The following LTK variants were observed in gnomAD, a reference collection of about 807,000 sequenced individuals.
LTK encodes the protein leukocyte tyrosine kinase receptor.
In LTK, 117 loss-of-function variants were observed where a neutral mutation model predicts 101.5. That is an observed-to-expected ratio of 1.15 (90% CI 0.99 to 1.34). The LOEUF (loss-of-function observed/expected upper bound fraction) is 1.34. Ranked by LOEUF, LTK falls within the 40% of genes most tolerant of loss-of-function variation. LTK has a pLI of 0.00. For missense variants in LTK, 1,252 were observed against 1,164.7 expected (o/e 1.07, Z -1.09); for synonymous variants, 563 against 494.2 (o/e 1.14, Z -1.85).
intron 9 of LTK, 74 bp from the exon 10 acceptor site, chr15:41,507,731 C>CA: frequency 6.9e-7 from 1 of 1,448,360 alleles, no homozygotes; most frequent in Non-Finnish European, 9.3e-7. Flanking sequence ...ACCCACGCTT[C>CA]AAGACTCAGC....
chr15:41,511,194 T>A lies in LTK; in HGVS notation c.967A>T (p.Thr323Ser). The A allele has an allele frequency of 7.1e-7, 1 of 1,406,258 alleles. No homozygotes were observed. Among genetic ancestry groups the A allele is most frequent in the Non-Finnish European group, 9.2e-7 (1 of 1,087,652 alleles). The allele number at this position is 1,406,258 out of a possible 1,614,324, so 87.1% of individuals were successfully genotyped here. A position where few individuals can be genotyped will look rare whatever the true frequency, so the allele number is the denominator to read the frequency against. The change falls in exon 7 of 20, where the codon ACT becomes TCT. Residue 323 changes from threonine to serine, a missense_variant. Coordinates refer to ENST00000263800, the MANE Select transcript of LTK (RefSeq NM_002344.6). The surrounding 1 kb of genome is among the most constrained non-coding windows in gnomAD (Gnocchi z 5.9). Reference protein sequence around the residue: ...GGFGGGGGACTAGGGGGGYRG... With the variant: ...GGFGGGGGACSAGGGGGGYRG... Reference sequence around the variant, plus strand: ...TAGCCGCCGCCGCCTCCGCCCGCAGTGCAGGCCCCGCCGCCGCCCCCGAAG... The same window carrying A: ...TAGCCGCCGCCGCCTCCGCCCGCAGAGCAGGCCCCGCCGCCGCCCCCGAAG...
In LTK at chr15:41,504,634, A is replaced by G. The variant is rs529448502; in HGVS notation, c.2127T>C (p.Phe709=). 2 of 1,612,786 alleles carry G rather than the reference A, an allele frequency of 1.2e-6. No individual in the cohort carries two copies. The highest frequency in any genetic ancestry group is 2.2e-5 in the East Asian group (1 of 44,862). The change falls in exon 18 of 20, where the codon TTT becomes TTC. Residue 709 remains phenylalanine, a synonymous_variant. Coordinates refer to ENST00000263800, the MANE Select transcript of LTK (RefSeq NM_002344.6). ...IFTSKTDSWS[F]GVLLWEIFSL... is the part of the protein sequence containing the mutation. The stretch of plus-strand genomic sequence containing the variant: ...AGAAGATCTCCCAGAGCAGCACCCC[A>G]AAAGACCTGCATCACAAGTGGGGGA...
chr15:41,510,859 C>G (rs1394314095), intron 7 of LTK, among the ~76,000 whole-genome samples: 1 of 152,202 alleles, frequency 6.6e-6, no homozygotes, highest in African/African-American at 2.4e-5. Context: ...GCCTTTCTGC[C>G]CCTTTGCTCA....
chr15:41,504,269 G>C (rs757045412), intron 19 of LTK, 25 bp from the exon 20 acceptor site: 3 of 1,607,712 alleles, frequency 1.9e-6, no homozygotes, highest in East Asian at 4.5e-5. Context: ...TCAGGGAGCA[G>C]GGGGGCATAG....
intron 7 of LTK, among the ~76,000 whole-genome samples, chr15:41,509,656 C>T (rs909287549): frequency 3.9e-5 from 6 of 152,010 alleles, no homozygotes; most frequent in Non-Finnish European, 8.8e-5. Context: ...GTCAGGAGTC[C>T]GAGACTAGCC....
Position 41,506,652 on chromosome 15 carries a change from G to A in LTK, c.1541+443C>T, listed in dbSNP as rs549657226. The stretch of plus-strand genomic sequence containing the variant: ...GTCGCCCTGGCTGGAGTGCAATGGC[G>A]CAATCTCGGCTCACCACAACCTCCG... On this transcript the variant is annotated intron_variant, in intron 11 of 19. Coordinates refer to ENST00000263800, the MANE Select transcript of LTK (RefSeq NM_002344.6). Among the ~76,000 whole-genome samples, 23 of 152,008 alleles carry A rather than the reference G, an allele frequency of 1.5e-4. 1 individual carries two copies. The highest frequency in any genetic ancestry group is 6.2e-4 in the South Asian group (3 of 4,812).
chr15:41,509,226 C>T, intron 7 of LTK, 97 bp from the exon 8 acceptor site: 3 of 774,914 alleles, frequency 3.9e-6, no homozygotes, highest in South Asian at 1.4e-5. Flanking sequence ...GCCCTCTCTT[C>T]TCCAGCATCA....
intron 12 of LTK, 54 bp downstream of exon 12, chr15:41,505,856 TCCTTC>T: frequency 6.2e-7 from 1 of 1,600,504 alleles, no homozygotes; most frequent in Non-Finnish European, 8.6e-7. Context: ...CTAGTCATTG[TCCTTC>T]CCTTCAGGGT....
rs554159736 is a variant in LTK at position 41,513,670 on chromosome 15, C to A, written c.40G>T (p.Ala14Ser). ...WGQLLVWFGA[A>S]GAILCSSPGS... ...CTGACCGCCAGATAGCACTTACCCG[C>A]GGCTCCGAACCACACCAGCAGCTGT... The change falls in exon 1 of 20, where the codon GCG becomes TCG. Residue 14 changes from alanine to serine, a missense_variant. Transcript: ENST00000263800. 54 of 1,612,578 alleles carry A rather than the reference C, an allele frequency of 3.3e-5. No individual in the cohort carries two copies. In the Middle Eastern group the frequency reaches 5.0e-4, roughly 15 times the overall value.
chr15:41,509,362 C>G (rs2140719712), intron 7 of LTK, among the ~76,000 whole-genome samples: 1 of 152,274 alleles, frequency 6.6e-6, no homozygotes, highest in Non-Finnish European at 1.5e-5. Context: ...CCTCCTGTCC[C>G]ATGTCCTCAC....
Position 41,507,061 on chromosome 15 carries a change from T to C in LTK, c.1541+34A>G, listed in dbSNP as rs1460936363. On this transcript the variant is annotated intron_variant, in intron 11 of 19. Transcript: ENST00000263800. The stretch of plus-strand genomic sequence containing the variant: ...GAGAATCAGAGGTGGGGATTCAGAG[T>C]GCATAGGTTCTCAGAAGGAGGCAGA... 1.9e-6 allele frequency: 3 copies of C among 1,579,788 alleles called. No individual in the cohort carries two copies. The East Asian group carries it at 6.7e-5, about 35-fold the overall frequency.
At chr15:41,512,385 A>G (rs563099581) in intron 3 of LTK, 120 bp from the exon 4 acceptor site, 9 of 722,910 alleles carry the variant, frequency 1.2e-5, no homozygotes, top group African/African-American at 3.7e-5. Context: ...GGAGGCTGCA[A>G]TCGACTCTGA....
intron 7 of LTK, among the ~76,000 whole-genome samples, chr15:41,510,881 C>T (rs909605630): frequency 4.6e-5 from 7 of 152,214 alleles, no homozygotes; most frequent in African/African-American, 9.7e-5. Flanking sequence ...CTTGCTCACT[C>T]GGCCAGCTCT....
At chr15:41,513,576 A>G in intron 1 of LTK, 91 bp downstream of exon 1, 1 of 1,205,546 alleles carries the variant, frequency 8.3e-7, no homozygotes, top group Non-Finnish European at 1.2e-6. Context: ...CTCTGGAGGA[A>G]CCACTGACAC....
intron 11 of LTK, among the ~76,000 whole-genome samples, chr15:41,506,532 T>A (rs1440734774): frequency 6.6e-6 from 1 of 151,304 alleles, no homozygotes; most frequent in Non-Finnish European, 1.5e-5. Context: ...CTCGAACCCC[T>A]GACCTCAGGT....
chr15:41,511,216 G>GA lies in LTK; in HGVS notation c.944dup (p.Gly316ArgfsTer25). On this transcript the variant is annotated frameshift_variant, in exon 7 of 20. Transcript: ENST00000263800. LOFTEE classifies it high-confidence loss of function. This position sits in a 1 kb window ranked among gnomAD's most constrained non-coding sequence, Gnocchi z 5.9. ...CAGTGCAGGCCCCGCCGCCGCCCCC[G>GA]AAGCCGCCGGCCGCGGCCCAGCCAA... The GA allele has an allele frequency of 7.2e-7, 1 of 1,388,530 alleles. No individual in the cohort carries two copies. Among genetic ancestry groups the GA allele is most frequent in the South Asian group, 1.6e-5 (1 of 62,906 alleles). The allele number at this position is 1,388,530 out of a possible 1,614,324, so 86.0% of individuals were successfully genotyped here.
Position 41,505,564 on chromosome 15 carries a change from G to A in LTK, c.1698-34C>T, listed in dbSNP as rs771672500. ...GGTGGGGGACATATCCCGTTACCAG[G>A]AGGGAGACGGAAACCATGTTTTAGG... On this transcript the variant is annotated intron_variant, in intron 13 of 19. Transcript: ENST00000263800. 3.7e-6 allele frequency: 6 copies of A among 1,612,882 alleles called. No individual in the cohort carries two copies. In the South Asian group the frequency reaches 6.6e-5, roughly 18 times the overall value.
chr15:41,512,277 G>C lies in LTK; in HGVS notation c.360-12C>G. On this transcript the variant is annotated splice_polypyrimidine_tract_variant and intron_variant, in intron 3 of 19. Coordinates refer to ENST00000263800, the MANE Select transcript of LTK (RefSeq NM_002344.6). ...CGTAGGCTGAGATCCTGCGGGGAAC[G>C]GACGGTGAGTCCCCGGCCTTCGGTG... 1 of 1,609,002 alleles carries C rather than the reference G, an allele frequency of 6.2e-7. No homozygotes were observed. The highest frequency in any genetic ancestry group is 8.5e-7 in the Non-Finnish European group (1 of 1,177,530).
rs1282056500 is a variant in LTK at position 41,505,065 on chromosome 15, C to T, written c.1926-1G>A. The T allele has an allele frequency of 6.2e-7, 1 of 1,609,930 alleles. No homozygotes were observed. Among genetic ancestry groups the T allele is most frequent in the Non-Finnish European group, 8.5e-7 (1 of 1,177,732 alleles). On this transcript the variant is annotated splice_acceptor_variant, in intron 15 of 19. Coordinates refer to ENST00000263800, the MANE Select transcript of LTK (RefSeq NM_002344.6). LOFTEE classifies it high-confidence loss of function. ...CAGGCAGTTCCGGGCGGCAATATCC[C>T]TACAGAGTAGGCAAAAAAAATCACT...
Sources: allele counts gnomAD v4.1 joint callset (sites outside exome capture counted in the v4.1 genomes callset), GRCh38; gene constraint gnomAD v4.1.1; non-coding constraint Gnocchi (gnomAD v3.1); transcripts MANE v1.5; gene names NCBI Gene and HGNC (gene_info 2026-07-23, HGNC 2026-07-21).